Variants in FREM2 observed in about 807,000 individuals in gnomAD.
FREM2 encodes FRAS1-related extracellular matrix protein 2.
In FREM2, 119 loss-of-function variants were observed where a neutral mutation model predicts 219.9. The observed-to-expected ratio is 0.54, with a 90% CI of 0.47 to 0.63. FREM2 has a LOEUF of 0.63. FREM2 is among the 30% of genes least tolerant of loss of function. The pLI is 0.00. For missense variants in FREM2, 4,030 were observed against 3,993.6 expected, an observed-to-expected ratio of 1.01 and a Z score of -0.25; for synonymous variants, 1,562 against 1,522.8, an observed-to-expected ratio of 1.03 and a Z score of -0.60.
intron 23 of FREM2, among the ~76,000 whole-genome samples, chr13:38,879,758 T>A (rs1396206584): frequency 6.6e-6 from 1 of 152,218 alleles, no homozygotes; most frequent in African/African-American, 2.4e-5. Flanking sequence ...CATCTGACCT[T>A]CCTAAATCTT....
chr13:38,806,058 TCACTTTTAACAAACA>T (rs1875213767), intron 6 of FREM2, among the ~76,000 whole-genome samples: 1 of 151,734 alleles, frequency 6.6e-6, no homozygotes, highest in African/African-American at 2.4e-5. Flanking sequence ...CAGGATTCAT[TCACTTTTAACAAACA>T]CATGAGTGGG....
intron 2 of FREM2, among the ~76,000 whole-genome samples, chr13:38,719,134 T>C (rs972095193): frequency 2.6e-5 from 4 of 152,200 alleles, no homozygotes. Context: ...GAGAATCTGT[T>C]TTCTTGGCTT....
chr13:38,734,464 A>C (rs1871898721), intron 2 of FREM2, among the ~76,000 whole-genome samples: 1 of 152,150 alleles, frequency 6.6e-6, no homozygotes, highest in South Asian at 2.1e-4. Context: ...ATAAATTATT[A>C]CTTGTACATA....
intron 2 of FREM2, among the ~76,000 whole-genome samples, chr13:38,763,201 G>A (rs1873299451): frequency 6.6e-6 from 1 of 152,170 alleles, no homozygotes; most frequent in Non-Finnish European, 1.5e-5. Context: ...CATAATCTCA[G>A]TTGTACAAGG....
At chr13:38,730,616 T>C (rs1264983207) in intron 2 of FREM2, among the ~76,000 whole-genome samples, 1 of 152,236 alleles carries the variant, frequency 6.6e-6, no homozygotes, top group Non-Finnish European at 1.5e-5. Flanking sequence ...GACCTCTTCC[T>C]CAGGCAGCTC....
At chr13:38,834,561 C>T (rs1876636695) in intron 6 of FREM2, among the ~76,000 whole-genome samples, 1 of 152,198 alleles carries the variant, frequency 6.6e-6, no homozygotes. Flanking sequence ...ATTTACACTT[C>T]CACCAACAGT....
chr13:38,743,467 A>G (rs1872331545), intron 2 of FREM2, among the ~76,000 whole-genome samples: 1 of 152,098 alleles, frequency 6.6e-6, no homozygotes, highest in Non-Finnish European at 1.5e-5. Flanking sequence ...AGAGTTTCCC[A>G]AAAGAGGGAT....
intron 6 of FREM2, among the ~76,000 whole-genome samples, chr13:38,797,261 C>T (rs1874828818): frequency 6.6e-6 from 1 of 151,900 alleles, no homozygotes; most frequent in Non-Finnish European, 1.5e-5. Flanking sequence ...TCCTCACCTG[C>T]TTCTGTTATT....
chr13:38,746,215 G>T (rs1055316112), intron 2 of FREM2, among the ~76,000 whole-genome samples: 1 of 152,068 alleles, frequency 6.6e-6, no homozygotes, highest in Non-Finnish European at 1.5e-5. Context: ...CTCTTTTTCT[G>T]CATAACAACA....
intron 15 of FREM2, among the ~76,000 whole-genome samples, chr13:38,862,014 AG>A (rs1877780696): frequency 2.0e-5 from 3 of 152,248 alleles, no homozygotes; most frequent in Admixed American, 2.0e-4. Flanking sequence ...TGAAACTAAC[AG>A]GTATTAAATA....
intron 2 of FREM2, among the ~76,000 whole-genome samples, chr13:38,733,708 C>T (rs1871862905): frequency 6.6e-6 from 1 of 152,098 alleles, no homozygotes; most frequent in South Asian, 2.1e-4. Context: ...GGGTCTTGCT[C>T]TATTGCCCAG....
intron 4 of FREM2, among the ~76,000 whole-genome samples, chr13:38,780,256 A>G (rs906554723): frequency 2.1e-4 from 32 of 152,200 alleles, no homozygotes; most frequent in African/African-American, 6.5e-4. Context: ...CCTCACCTGT[A>G]TACCTAGCAA....
intron 2 of FREM2, among the ~76,000 whole-genome samples, chr13:38,759,067 C>G (rs1456711814): frequency 2.0e-5 from 3 of 152,064 alleles, no homozygotes; most frequent in Non-Finnish European, 4.4e-5. Context: ...ATCTAATTTC[C>G]CCAATAAGGT....
chr13:38,766,014 T>C (rs1873419575), intron 3 of FREM2, among the ~76,000 whole-genome samples: 1 of 152,198 alleles, frequency 6.6e-6, no homozygotes, highest in Non-Finnish European at 1.5e-5. Context: ...CTTGAACATA[T>C]AGCAAATAAA....
intron 6 of FREM2, among the ~76,000 whole-genome samples, chr13:38,790,609 C>T (rs1045416153): frequency 6.6e-5 from 10 of 152,148 alleles, no homozygotes; most frequent in Non-Finnish European, 1.5e-4. Flanking sequence ...TTTGTACCAT[C>T]AGTTCTCATG....
At chr13:38,712,672 AC>A (rs1229535699) in intron 2 of FREM2, among the ~76,000 whole-genome samples, 9 of 150,212 alleles carry the variant, frequency 6.0e-5, no homozygotes, top group South Asian at 2.1e-4. Context: ...ACACACACAC[AC>A]ACAAACACAC....
At chr13:38,767,960 A>G (rs1873506356) in intron 3 of FREM2, among the ~76,000 whole-genome samples, 1 of 152,230 alleles carries the variant, frequency 6.6e-6, no homozygotes, top group African/African-American at 2.4e-5. Context: ...AATAACAGTC[A>G]TTGATATATT....
At chr13:38,793,448 A>G (rs1185933328) in intron 6 of FREM2, among the ~76,000 whole-genome samples, 1 of 152,220 alleles carries the variant, frequency 6.6e-6, no homozygotes, top group Non-Finnish European at 1.5e-5. Context: ...GGCTAAGTGG[A>G]TGGGATGCCT....
At chr13:38,877,317 G>C (rs898216506) in intron 21 of FREM2, 74 bp downstream of exon 21, 55 of 1,481,800 alleles carry the variant, frequency 3.7e-5, no homozygotes, top group Non-Finnish European at 5.0e-5. Context: ...TGGGGATTGT[G>C]TTTGAGGGGG....
Sources: allele counts gnomAD v4.1 joint callset (sites outside exome capture counted in the v4.1 genomes callset), GRCh38; gene constraint gnomAD v4.1.1; transcripts MANE v1.5; gene names NCBI Gene and HGNC (gene_info 2026-07-23, HGNC 2026-07-21).